The following SCRN1 variants were observed in gnomAD, a reference collection of about 807,000 sequenced individuals.
The protein encoded by SCRN1 is secernin-1.
SCRN1 carries 19 observed loss-of-function variants against 43.3 expected under a neutral mutation model. The ratio of observed to expected loss-of-function variants is 0.44; its 90% CI spans 0.31 to 0.64. SCRN1 has a LOEUF of 0.64. SCRN1 is among the 30% of genes least tolerant of loss of function. The probability of loss-of-function intolerance (pLI) is 0.09; values close to 1 mark genes in which losing one functional copy is unlikely to be tolerated. For synonymous variants in SCRN1, 183 were observed against 188.9 expected (o/e 0.97, Z 0.26); for missense variants, 447 against 524.1 (o/e 0.85, Z 1.44).
chr7:29,952,602 A>G (rs1359679889), intron 3 of SCRN1, among the ~76,000 whole-genome samples: 3 of 152,050 alleles, frequency 2.0e-5, no homozygotes, highest in Non-Finnish European at 4.4e-5. Context: ...AGGCAGGAGA[A>G]TCGCTTGAAC....
At chr7:29,983,004 A>G (rs1039731928) in intron 1 of SCRN1, among the ~76,000 whole-genome samples, 1 of 151,452 alleles carries the variant, frequency 6.6e-6, no homozygotes, top group African/African-American at 2.4e-5. Context: ...ATGCCCAGCT[A>G]ATTTTTGTAT....
intron 2 of SCRN1, 109 bp downstream of exon 2, chr7:29,968,800 T>C: frequency 1.5e-6 from 2 of 1,349,890 alleles, no homozygotes; most frequent in East Asian, 4.7e-5. Flanking sequence ...AGAACTGACA[T>C]GATAGCTCTG....
intron 6 of SCRN1, among the ~76,000 whole-genome samples, chr7:29,929,269 C>T (rs1253419685): frequency 1.3e-5 from 2 of 152,216 alleles, no homozygotes; most frequent in Non-Finnish European, 2.9e-5. Flanking sequence ...TGGGCAAAGC[C>T]AAGACTCCCA....
intron 6 of SCRN1, among the ~76,000 whole-genome samples, chr7:29,927,075 T>C (rs1413347085): frequency 6.6e-6 from 1 of 152,018 alleles, no homozygotes; most frequent in African/African-American, 2.4e-5. Context: ...TTTTAGTTTT[T>C]TTCTGAGGTT....
intron 2 of SCRN1, among the ~76,000 whole-genome samples, chr7:29,956,269 T>C (rs1247279625): frequency 6.6e-6 from 1 of 152,190 alleles, no homozygotes; most frequent in Non-Finnish European, 1.5e-5. Context: ...CCTCCTGTGC[T>C]TCCCTTTCCC....
intron 1 of SCRN1, among the ~76,000 whole-genome samples, chr7:29,981,159 C>A (rs1379331567): frequency 6.6e-6 from 1 of 150,968 alleles, no homozygotes; most frequent in African/African-American, 2.4e-5. Context: ...TCTTCCAGGT[C>A]ACTAAGGCAC....
intron 6 of SCRN1, among the ~76,000 whole-genome samples, chr7:29,931,906 G>T (rs149757924): frequency 6.6e-6 from 1 of 152,150 alleles, no homozygotes; most frequent in Non-Finnish European, 1.5e-5. Context: ...GCTTTACTGT[G>T]AGCCACTTTA....
intron 2 of SCRN1, among the ~76,000 whole-genome samples, chr7:29,968,383 G>A (rs1190693713): frequency 6.6e-6 from 1 of 152,044 alleles, no homozygotes; most frequent in Non-Finnish European, 1.5e-5. Context: ...GATTCAACCT[G>A]AGAAAGCTGA....
rs745406058 is a variant in SCRN1 at position 29,965,091 on chromosome 7, C to G, written c.159+3818G>C. On this transcript the variant is annotated intron_variant, in intron 2 of 7. Coordinates refer to ENST00000242059, the MANE Select transcript of SCRN1 (RefSeq NM_014766.5). This position sits in a 1 kb window ranked among gnomAD's most constrained non-coding sequence, Gnocchi z 4.2. ...TTGGGAACTCTCTGTGCCTTCTGTT[C>G]ATTTTTCTGTAAACATAAAACTGCT... 2.6e-5 allele frequency among the ~76,000 whole-genome samples: 4 copies of G among 151,988 alleles called. No homozygotes were observed. The highest frequency in any genetic ancestry group is 5.9e-5 in the Non-Finnish European group (4 of 68,004).
Position 29,967,216 on chromosome 7 carries a change from T to C in SCRN1, c.159+1693A>G, listed in dbSNP as rs148206112. On this transcript the variant is annotated intron_variant, in intron 2 of 7. Transcript: ENST00000242059. ...ACACACACAAACACACACAGGTAAA[T>C]ACACTTATAAACAAAACATAACCAA... Among the ~76,000 whole-genome samples the C allele has an allele frequency of 2.5e-3, 379 of 151,472 alleles. 1 individual carries two copies. The highest frequency in any genetic ancestry group is 8.8e-3 in the African/African-American group (363 of 41,292).
At chr7:29,947,942 T>C (rs1208497000) in intron 3 of SCRN1, among the ~76,000 whole-genome samples, 1 of 152,190 alleles carries the variant, frequency 6.6e-6, no homozygotes, top group East Asian at 1.9e-4. Flanking sequence ...CACTGGGTCT[T>C]CCGGTGCCTT....
At chr7:29,943,883 G>T in intron 4 of SCRN1, 94 bp downstream of exon 4, 2 of 1,180,276 alleles carry the variant, frequency 1.7e-6, no homozygotes, top group South Asian at 1.3e-5. Context: ...GCAACGGCAC[G>T]TCTTTCTTCC....
chr7:29,943,523 G>A (rs1734298527), intron 4 of SCRN1, among the ~76,000 whole-genome samples: 1 of 152,116 alleles, frequency 6.6e-6, no homozygotes, highest in Admixed American at 6.5e-5. Context: ...AGAAATCCCA[G>A]AGTGGCGTAT....
chr7:29,940,693 T>A lies in SCRN1; in HGVS notation c.728A>T (p.Glu243Val). 6.3e-7 allele frequency: 1 copy of A among 1,599,454 alleles called. No homozygotes were observed. The highest frequency in any genetic ancestry group is 8.5e-7 in the Non-Finnish European group (1 of 1,176,152). The part of the protein sequence containing the change: ...LDCGAGKDSL[E>V]KQEESITVQT... The stretch of plus-strand genomic sequence containing the variant: ...AGAGACTAACTCACCTTCTTGTTTT[T>A]CTAAGCTGTCTTTGCCAGCACCGCA... The change falls in exon 5 of 8, where the codon GAA (glutamate) becomes GTA (valine). Residue 243 changes from glutamate (E) to valine (V), a missense_variant. Physicochemically the swap from Glu to Val is moderately radical, Grantham distance 121. Coordinates refer to ENST00000242059, the MANE Select transcript of SCRN1 (RefSeq NM_014766.5).
chr7:29,927,254 A>G (rs928863620), intron 6 of SCRN1, among the ~76,000 whole-genome samples: 4 of 152,060 alleles, frequency 2.6e-5, no homozygotes, highest in Admixed American at 6.6e-5. Flanking sequence ...GCTCTCTTCA[A>G]TTCAGTTCTC....
intron 3 of SCRN1, among the ~76,000 whole-genome samples, chr7:29,949,812 C>T (rs1323249719): frequency 1.3e-5 from 2 of 151,674 alleles, no homozygotes; most frequent in African/African-American, 4.8e-5. Flanking sequence ...TAGTTGGGAC[C>T]ACAAGCATGC....
At chr7:29,973,781 G>A (rs1023936370) in intron 1 of SCRN1, among the ~76,000 whole-genome samples, 6 of 152,294 alleles carry the variant, frequency 3.9e-5, no homozygotes, top group South Asian at 2.1e-4. Flanking sequence ...TTCTATCTAC[G>A]TATCCTAAGG....
chr7:29,978,364 T>C (rs56077711), intron 1 of SCRN1, among the ~76,000 whole-genome samples: 2,609 of 152,338 alleles, frequency 0.017, 35 homozygotes, highest in Non-Finnish European at 0.026. Flanking sequence ...ATGGCAAGAC[T>C]GGAGTTGGGT....
At chr7:29,989,584 G>A in intron 1 of SCRN1, 58 bp downstream of exon 1, 2 of 985,678 alleles carry the variant, frequency 2.0e-6, no homozygotes, top group South Asian at 9.4e-5. Flanking sequence ...TGGCGGGTGG[G>A]GTGAAACCGC....
Sources: allele counts gnomAD v4.1 joint callset (sites outside exome capture counted in the v4.1 genomes callset), GRCh38; gene constraint gnomAD v4.1.1; non-coding constraint Gnocchi (gnomAD v3.1); transcripts MANE v1.5; gene names NCBI Gene and HGNC (gene_info 2026-07-23, HGNC 2026-07-21).